LARGE2: variants seen among roughly 807,000 people sequenced by gnomAD.
LARGE2 encodes LARGE xylosyl- and glucuronyltransferase 2.
In LARGE2, 63 loss-of-function variants were observed where a neutral mutation model predicts 75.3. That is an observed-to-expected ratio of 0.84 (90% confidence interval 0.68 to 1.03). LARGE2 has a LOEUF of 1.03. Among genes scored for constraint, LARGE2 ranks in the 50% least tolerant of loss-of-function variants. The pLI is 0.00. For synonymous variants in LARGE2, 428 were observed against 420.1 expected (o/e 1.02, Z -0.23); for missense variants, 925 against 980.6 (o/e 0.94, Z 0.76).
rs1317204366 is a variant in LARGE2, at chr11:45,928,935, G to A, written c.*90G>A. On this transcript the variant is annotated 3_prime_UTR_variant, in exon 14 of 14. Transcript: ENST00000401752. The stretch of plus-strand genomic sequence containing the variant: ...ATCCCTGCTATTTAAATTATTTAAG[G>A]TCTCTGGGAAGGGCTGGGGCAGAGC... The A allele has an allele frequency of 2.6e-6, 4 of 1,520,282 alleles. No homozygotes were observed. The Admixed American group carries it at 5.9e-5, about 22-fold the overall frequency. 94.2% of individuals were successfully genotyped at this position (1,520,282 alleles called of 1,614,324 possible). A position where few individuals can be genotyped will look rare whatever the true frequency, so the allele number is the denominator to read the frequency against.
Position 45,924,544 on chromosome 11 carries a change from C to T in LARGE2, c.531C>T (p.Gly177=). 3 of 1,613,526 alleles carry T rather than the reference C, an allele frequency of 1.9e-6. No homozygotes were observed. The highest frequency in any genetic ancestry group is 2.5e-6 in the Non-Finnish European group (3 of 1,179,790). Residue 177 remains glycine (G), a synonymous_variant, in exon 5 of 14, where the codon GGC becomes GGT. Coordinates refer to ENST00000401752, the MANE Select transcript of LARGE2 (RefSeq NM_001300721.2). ...GGATCCCCAACAAGCACTACTCCGGCCTCTATGGGCTAATGAAGCTGGTGC... is the reference window on the plus strand; with the variant it reads ...GGATCCCCAACAAGCACTACTCCGGTCTCTATGGGCTAATGAAGCTGGTGC... ...VSWIPNKHYS[G]LYGLMKLVLP... is the part of the protein sequence containing the mutation.
In LARGE2 at chr11:45,926,890, GC is replaced by G. The variant is rs1280953239; in HGVS notation, c.1325+22del. 6 of 1,595,034 alleles carry G rather than the reference GC, an allele frequency of 3.8e-6. No homozygotes were observed. In the African/African-American group the frequency reaches 5.4e-5, roughly 14 times the overall value. On this transcript the variant is annotated intron_variant, in intron 10 of 13. Transcript: ENST00000401752. ...TGGACCGGTGAGGGTGCAGAGGGCAGCCCAGGGGGTATGGCATGGGCTGGGG... is the reference window on the plus strand; with the variant it reads ...TGGACCGGTGAGGGTGCAGAGGGCAGCCAGGGGGTATGGCATGGGCTGGGG...
At chr11:45,924,360 A>AATC (rs1438841191) in intron 4 of LARGE2, 83 bp downstream of exon 4, 34 of 1,581,242 alleles carry the variant, frequency 2.2e-5, no homozygotes, top group Non-Finnish European at 2.9e-5. Context: ...TGGAGAAGAG[A>AATC]ATCATCAGTC....
At chr11:45,926,960 G>A in intron 10 of LARGE2, 89 bp downstream of exon 10, 1 of 1,320,362 alleles carries the variant, frequency 7.6e-7, no homozygotes, top group Non-Finnish European at 1.0e-6. Context: ...GCCTGATGCT[G>A]TGGTAGTGAG....
rs1211430249 is a variant in LARGE2 at position 45,924,798 on chromosome 11, C to G, written c.678C>G (p.Ile226Met). Residue 226 changes from isoleucine to methionine, a missense_variant, in exon 6 of 14, where the codon ATC (isoleucine) becomes ATG (methionine). Transcript: ENST00000401752. ...LFAHFSDTQA[I>M]GLVENQSDWY... ...CTCCCCTCCCAGACACGCAGGCGAT[C>G]GGTCTTGTGGAGAACCAGAGTGACT... 6.6e-7 allele frequency: 1 copy of G among 1,509,658 alleles called. No individual in the cohort carries two copies. The highest frequency in any genetic ancestry group is 8.9e-7 in the Non-Finnish European group (1 of 1,126,108). The allele number at this position is 1,509,658 out of a possible 1,614,324, so 93.5% of individuals were successfully genotyped here.
At chr11:45,927,781 C>A in intron 11 of LARGE2, 139 bp from the exon 12 acceptor site, 1 of 1,447,430 alleles carries the variant, frequency 6.9e-7, no homozygotes, top group Non-Finnish European at 9.6e-7. Context: ...AGCAGCTCCA[C>A]CTGTGGTTGT....
chr11:45,928,708 C>T lies in LARGE2; in HGVS notation c.2029C>T (p.Arg677Cys), dbSNP rs2271851. The T allele has an allele frequency of 2.9e-4, 474 of 1,614,132 alleles. 1 individual carries two copies. The East Asian group carries it at 4.1e-3, about 14-fold the overall frequency. Reference protein sequence around the residue: ...HAPSLDISRFRSSPTYRDCLQ... With the variant: ...HAPSLDISRFCSSPTYRDCLQ... ...TCCAAGCCTGGACATCTCCCGCTTC[C>T]GCTCCAGCCCCACCTATCGTGACTG... Residue 677 changes from arginine to cysteine, a missense_variant, in exon 14 of 14, where the codon CGC becomes TGC. This residue lies in a region of LARGE2 where 469 missense variants were observed against 503.8 expected (regional missense o/e 0.93). Coordinates refer to ENST00000401752, the MANE Select transcript of LARGE2 (RefSeq NM_001300721.2).
At position 45,923,480 on chromosome 11, in the gene LARGE2, A is replaced by T. The variant is rs776126056; in HGVS notation, c.293A>T (p.His98Leu). 6.2e-7 allele frequency: 1 copy of T among 1,613,526 alleles called. No homozygotes were observed. Among genetic ancestry groups the T allele is most frequent in the Non-Finnish European group, 8.5e-7 (1 of 1,179,894 alleles). The change falls in exon 3 of 14, where the codon CAT (histidine) becomes CTT (leucine). Residue 98 changes from histidine to leucine, a missense_variant. Transcript: ENST00000401752. The stretch of plus-strand genomic sequence containing the variant: ...CTGGGCGTCCCTCCCCAGCTCTTGC[A>T]TGTGGCCATCGTGTGTGCGGGGCAT... ...PPPPPKCELLHVAIVCAGHNS... is the reference protein window; with the variant it reads ...PPPPPKCELLLVAIVCAGHNS...
rs1265879676 is a variant in LARGE2 at position 45,927,308 on chromosome 11, C to T, written c.1326-7C>T. On this transcript the variant is annotated splice_polypyrimidine_tract_variant and splice_region_variant and intron_variant, in intron 10 of 13. Coordinates refer to ENST00000401752, the MANE Select transcript of LARGE2 (RefSeq NM_001300721.2). ...GCAGAGCTGTGCTGACCTCCCTCTC[C>T]CCATAGGCTGCAGATGTTGGAAGCC... is the stretch of plus-strand genomic sequence containing the variant. 1 of 1,611,194 alleles carries T rather than the reference C, an allele frequency of 6.2e-7. No individual in the cohort carries two copies. The highest frequency in any genetic ancestry group is 1.1e-5 in the South Asian group (1 of 90,902).
upstream of LARGE2, among the ~76,000 whole-genome samples, chr11:45,921,929 GC>G (rs201273844): frequency 2.8e-3 from 425 of 152,242 alleles, 3 homozygotes; most frequent in African/African-American, 9.1e-3. Flanking sequence ...GGTCCAGAGC[GC>G]CCCCCACCCA....
At position 45,927,996 on chromosome 11, in the gene LARGE2, T is replaced by G. The variant is rs2087293042; in HGVS notation, c.1681T>G (p.Tyr561Asp). The G allele has an allele frequency of 1.2e-6, 2 of 1,613,970 alleles. No homozygotes were observed. Reference protein sequence around the residue: ...LVVPAFETLRYRFSFPHSKVE... With the variant: ...LVVPAFETLRDRFSFPHSKVE... Reference sequence around the variant, plus strand: ...GGTGCCGGCATTCGAGACCCTGCGCTACCGCTTCAGCTTCCCCCATTCCAA... The same window carrying G: ...GGTGCCGGCATTCGAGACCCTGCGCGACCGCTTCAGCTTCCCCCATTCCAA... Residue 561 changes from tyrosine to aspartate, a missense_variant, in exon 12 of 14, where the codon TAC (tyrosine) becomes GAC (aspartate). Coordinates refer to ENST00000401752, the MANE Select transcript of LARGE2 (RefSeq NM_001300721.2).
At chr11:45,924,424 TC>T in intron 4 of LARGE2, 81 bp from the exon 5 acceptor site, 1 of 1,566,324 alleles carries the variant, frequency 6.4e-7, no homozygotes, top group Non-Finnish European at 8.6e-7. Flanking sequence ...TTACCCCCTC[TC>T]CTCTGTGTCA....
chr11:45,922,989 G>A lies in LARGE2; in HGVS notation c.107G>A (p.Arg36His). The change falls in exon 2 of 14, where the codon CGC (arginine) becomes CAC (histidine). Residue 36 changes from arginine to histidine, a missense_variant. By Grantham distance (29) the Arg-to-His change is conservative (BLOSUM62 0). This residue lies in a region of LARGE2 where 453 missense variants were observed against 460.2 expected (regional missense o/e 0.98). Coordinates refer to ENST00000401752, the MANE Select transcript of LARGE2 (RefSeq NM_001300721.2). ...LFGGDLGCER[R>H]EPGGRAGAPG... ...GGTGGGGACCTGGGGTGTGAGCGCC[G>A]CGAGCCTGGCGGGCGAGCGGGGGCC... The A allele has an allele frequency of 7.4e-7, 1 of 1,342,994 alleles. No individual in the cohort carries two copies. The highest frequency in any genetic ancestry group is 9.5e-7 in the Non-Finnish European group (1 of 1,052,542). The allele number at this position is 1,342,994 out of a possible 1,614,324, so 83.2% of individuals were successfully genotyped here. A position where few individuals can be genotyped will look rare whatever the true frequency, so the allele number is the denominator to read the frequency against.
At chr11:45,924,317 C>A in intron 4 of LARGE2, 40 bp downstream of exon 4, 1 of 1,607,166 alleles carries the variant, frequency 6.2e-7, no homozygotes. Flanking sequence ...CAGCTGTGTC[C>A]ACCGCTCTCC....
Position 45,927,761 on chromosome 11 carries a change from C to T in LARGE2, c.1605-159C>T, listed in dbSNP as rs11038712. ...GGGCTGTCAACAGGGAGGCCAGGGC[C>T]GGCTTCAACAGCAGCTCCACCTGTG... On this transcript the variant is annotated intron_variant, in intron 11 of 13. Coordinates refer to ENST00000401752, the MANE Select transcript of LARGE2 (RefSeq NM_001300721.2). The T allele has an allele frequency of 7.3e-3, 10,373 of 1,415,242 alleles. 47 individuals carry two copies. Among genetic ancestry groups the T allele is most frequent in the Non-Finnish European group, 8.6e-3 (8,778 of 1,020,958 alleles). The allele number at this position is 1,415,242 out of a possible 1,614,324, so 87.7% of individuals were successfully genotyped here. A position where few individuals can be genotyped will look rare whatever the true frequency, so the allele number is the denominator to read the frequency against.
chr11:45,927,655 G>A (rs1443963009), intron 11 of LARGE2, 62 bp downstream of exon 11: 13 of 1,580,166 alleles, frequency 8.2e-6, no homozygotes, highest in Non-Finnish European at 9.4e-6. Flanking sequence ...GCATGCGTGG[G>A]ACCCCAGGCT....
intron 3 of LARGE2, among the ~76,000 whole-genome samples, 146 bp from the exon 4 acceptor site, chr11:45,923,985 CAAAAAAAAAAAAAAAAAAAAAAA>C (rs60577963): frequency 3.2e-4 from 22 of 69,528 alleles, no homozygotes; most frequent in Non-Finnish European, 2.8e-4. Flanking sequence ...GACTCCGTCT[CAAAAAAAAAAAAAAAAAAAAAAA>C]AAAAAAAAAA....
In LARGE2 at chr11:45,924,697, G is replaced by T; in HGVS notation, c.664+20G>T. 6.3e-7 allele frequency: 1 copy of T among 1,592,026 alleles called. No individual in the cohort carries two copies. The highest frequency in any genetic ancestry group is 8.6e-7 in the Non-Finnish European group (1 of 1,168,854). On this transcript the variant is annotated intron_variant, in intron 5 of 13. Coordinates refer to ENST00000401752, the MANE Select transcript of LARGE2 (RefSeq NM_001300721.2). Reference sequence around the variant, plus strand: ...TTTCTGGTGAGAGGCCTGGGAGCCTGCCTGGCCTGCCCAGGATCCCTGCAT... The same window carrying T: ...TTTCTGGTGAGAGGCCTGGGAGCCTTCCTGGCCTGCCCAGGATCCCTGCAT...
chr11:45,922,772 G>C, intron 1 of LARGE2, 44 bp downstream of exon 1: 1 of 928,182 alleles, frequency 1.1e-6, no homozygotes, highest in Non-Finnish European at 1.4e-6. Context: ...CCGGCCGTCG[G>C]GCCCCGCCGC....
Sources: gnomAD v4.1 joint callset for allele counts (sites outside exome capture counted in the v4.1 genomes callset) on GRCh38, gnomAD v4.1.1 for gene constraint, gnomAD v4.1.1 regional missense constraint, MANE v1.5 for transcripts, NCBI Gene and HGNC (gene_info 2026-07-23, HGNC 2026-07-21) for gene names.